NTM: variants seen among roughly 807,000 people sequenced by gnomAD.
The protein encoded by NTM is neurotrimin, also known as IgLON family member 2.
Under a neutral mutation model 42.1 loss-of-function variants are expected in NTM, and 13 were observed. That is an observed-to-expected ratio of 0.31 (90% CI 0.20 to 0.49). NTM has a LOEUF of 0.49. Among genes scored for constraint, NTM ranks in the 20% least tolerant of loss-of-function variants. NTM has a pLI of 0.99. For missense variants in NTM, 373 were observed against 452.8 expected (o/e 0.82, Z 1.60); for synonymous variants, 187 against 179.2 (o/e 1.04, Z -0.35).
intron 8 of NTM, among the ~76,000 whole-genome samples, chr11:132,330,944 G>A (rs2095791205): frequency 6.6e-6 from 1 of 152,214 alleles, no homozygotes; most frequent in African/African-American, 2.4e-5. Context: ...ATCCCAGGGT[G>A]CTGTGGTCCA....
intron 1 of NTM, among the ~76,000 whole-genome samples, chr11:131,890,268 C>A (rs2051111202): frequency 6.6e-6 from 1 of 152,112 alleles, no homozygotes; most frequent in African/African-American, 2.4e-5. Flanking sequence ...ACACACCATA[C>A]CCCCTGGAAA....
chr11:132,087,374 G>A (rs2059853719), intron 2 of NTM, among the ~76,000 whole-genome samples: 1 of 152,210 alleles, frequency 6.6e-6, no homozygotes, highest in African/African-American at 2.4e-5. Context: ...TAATCAGCAA[G>A]AATTAGTCAT....
intron 1 of NTM, among the ~76,000 whole-genome samples, chr11:131,532,712 A>T (rs994109053): frequency 3.9e-5 from 6 of 152,238 alleles, no homozygotes; most frequent in Admixed American, 1.3e-4. Flanking sequence ...TGGTTTCTCG[A>T]CATCCTCAGT....
intron 2 of NTM, among the ~76,000 whole-genome samples, chr11:131,998,924 G>A (rs762115275): frequency 8.5e-5 from 13 of 152,152 alleles, no homozygotes; most frequent in Non-Finnish European, 1.9e-4. Flanking sequence ...CTTTTTAGGA[G>A]CTTGTGGCTC....
intron 2 of NTM, among the ~76,000 whole-genome samples, chr11:132,010,869 A>C (rs1332573817): frequency 6.6e-6 from 1 of 151,998 alleles, no homozygotes; most frequent in Non-Finnish European, 1.5e-5. Context: ...GTGCCAAGTG[A>C]CTGAGGTTAT....
At chr11:132,329,336 T>C (rs2095753852) in intron 7 of NTM, among the ~76,000 whole-genome samples, 2 of 152,354 alleles carry the variant, frequency 1.3e-5, no homozygotes, top group South Asian at 4.1e-4. Flanking sequence ...GCATCTGCTA[T>C]CCACAGAAAA....
At chr11:131,905,286 G>A (rs567062308) in intron 1 of NTM, among the ~76,000 whole-genome samples, 6 of 152,242 alleles carry the variant, frequency 3.9e-5, no homozygotes, top group East Asian at 1.9e-4. Flanking sequence ...CCAAGGTCAC[G>A]GTCCTTCTTA....
At chr11:132,318,758 CCT>C (rs1386466903) in intron 7 of NTM, among the ~76,000 whole-genome samples, 1 of 152,148 alleles carries the variant, frequency 6.6e-6, no homozygotes, top group Non-Finnish European at 1.5e-5. Flanking sequence ...ATCCCAATCC[CCT>C]GACCTCCTCT....
intron 1 of NTM, among the ~76,000 whole-genome samples, chr11:131,457,672 G>T (rs1350081065): frequency 6.6e-6 from 1 of 152,104 alleles, no homozygotes; most frequent in African/African-American, 2.4e-5. Flanking sequence ...AAGAGATTTG[G>T]ACCAAAAATT....
intron 1 of NTM, among the ~76,000 whole-genome samples, chr11:131,681,383 T>G (rs529271453): frequency 2.0e-5 from 1 of 50,340 alleles, no homozygotes; most frequent in Non-Finnish European, 4.9e-5. Flanking sequence ...GCATGTGTGT[T>G]TCTGTGTCTG....
chr11:132,029,102 T>C (rs2075591857), intron 2 of NTM, among the ~76,000 whole-genome samples: 1 of 152,036 alleles, frequency 6.6e-6, no homozygotes, highest in South Asian at 2.1e-4. Context: ...GCTACTGGGC[T>C]TCTGCTCTTA....
intron 4 of NTM, among the ~76,000 whole-genome samples, chr11:132,264,579 A>G (rs962337635): frequency 1.3e-5 from 2 of 152,160 alleles, no homozygotes; most frequent in Non-Finnish European, 2.9e-5. Flanking sequence ...GCAGGCTTGC[A>G]TTTATACATA....
intron 1 of NTM, among the ~76,000 whole-genome samples, chr11:131,791,933 G>T (rs747021424): frequency 2.0e-5 from 3 of 152,138 alleles, no homozygotes; most frequent in Non-Finnish European, 4.4e-5. Context: ...TATCCCATAG[G>T]ACTGTTTGTC....
chr11:132,069,207 C>G (rs2057002319), intron 2 of NTM, among the ~76,000 whole-genome samples: 2 of 151,364 alleles, frequency 1.3e-5, no homozygotes, highest in South Asian at 2.1e-4. Flanking sequence ...TCAAACTGAC[C>G]ATCACAGGTT....
chr11:131,389,024 A>AGAAAAGAAAAG (rs1555097640), intron 1 of NTM, among the ~76,000 whole-genome samples: 6 of 89,912 alleles, frequency 6.7e-5, no homozygotes, highest in East Asian at 5.1e-4. Context: ...AAAAAAAAAA[A>AGAAAAGAAAAG]AAAAGAAAAG....
chr11:131,985,629 A>G (rs372669401), intron 2 of NTM, among the ~76,000 whole-genome samples: 1 of 152,260 alleles, frequency 6.6e-6, no homozygotes, highest in East Asian at 1.9e-4. Context: ...TCCTGGGGTA[A>G]GGGGAGAGCA....
intron 1 of NTM, among the ~76,000 whole-genome samples, chr11:131,732,723 C>T (rs903860920): frequency 1.3e-5 from 2 of 152,218 alleles, no homozygotes; most frequent in South Asian, 4.1e-4. Context: ...TTTATGTATT[C>T]CTAGAGGGTA....
intron 1 of NTM, among the ~76,000 whole-genome samples, chr11:131,466,546 G>A (rs1184853418): frequency 6.6e-6 from 1 of 152,154 alleles, no homozygotes; most frequent in Admixed American, 6.5e-5. Context: ...CAGGCTGTGT[G>A]CTAGCCCTTC....
Position 131,868,752 on chromosome 11 carries a change from A to G in NTM, c.83-42812A>G, listed in dbSNP as rs190326128. The stretch of plus-strand genomic sequence containing the variant: ...TCCTCAAATCTCCCCTTCACATGCT[A>G]CCTTCCCTATAAGGCTGTCCTGATG... On this transcript the variant is annotated intron_variant, in intron 1 of 8. Coordinates refer to ENST00000683400, the MANE Select transcript of NTM (RefSeq NM_001352005.2). Among the ~76,000 whole-genome samples the G allele has an allele frequency of 3.9e-5, 6 of 152,084 alleles. No homozygotes were observed. The East Asian group carries it at 1.2e-3, about 29-fold the overall frequency.
Sources: gnomAD v4.1 joint callset for allele counts (sites outside exome capture counted in the v4.1 genomes callset) on GRCh38, gnomAD v4.1.1 for gene constraint, MANE v1.5 for transcripts, NCBI Gene and HGNC (gene_info 2026-07-23, HGNC 2026-07-21) for gene names.